The following KCNK10 variants were observed in gnomAD, a reference collection of about 807,000 sequenced individuals.
KCNK10 encodes potassium two pore domain channel subfamily K member 10.
Under a neutral mutation model 47.7 loss-of-function variants are expected in KCNK10, and 25 were observed. The ratio of observed to expected loss-of-function variants is 0.52; its 90% CI spans 0.38 to 0.73. KCNK10 has a LOEUF of 0.73. KCNK10 is among the 30% of genes least tolerant of loss of function. KCNK10 has a pLI of 0.00. For missense variants in KCNK10, 563 were observed against 714.5 expected (o/e 0.79, Z 2.42); for synonymous variants, 303 against 285.6 (o/e 1.06, Z -0.61).
At chr14:88,209,273 G>A (rs1040244432) in intron 4 of KCNK10, among the ~76,000 whole-genome samples, 3 of 152,134 alleles carry the variant, frequency 2.0e-5, no homozygotes, top group African/African-American at 4.8e-5. Flanking sequence ...GTAAGAGCAC[G>A]GGCAAGCTGA....
At chr14:88,310,336 CT>C (rs1385520328) in intron 1 of KCNK10, among the ~76,000 whole-genome samples, 2 of 151,354 alleles carry the variant, frequency 1.3e-5, no homozygotes, top group African/African-American at 4.9e-5. Context: ...CGCCTCAGGT[CT>C]TTTTCATCTT....
At chr14:88,197,895 A>AGAGAGAGAG (rs1884974261) in intron 4 of KCNK10, among the ~76,000 whole-genome samples, 21 of 133,948 alleles carry the variant, frequency 1.6e-4, no homozygotes, top group African/African-American at 4.9e-4. Flanking sequence ...AGAGAGAGAG[A>AGAGAGAGAG]AGGGGAAAAA....
At chr14:88,286,626 C>G (rs1433140286) in intron 1 of KCNK10, among the ~76,000 whole-genome samples, 1 of 152,200 alleles carries the variant, frequency 6.6e-6, no homozygotes, top group African/African-American at 2.4e-5. Flanking sequence ...AATGGACTCA[C>G]AGTTCCATGT....
intron 4 of KCNK10, among the ~76,000 whole-genome samples, chr14:88,196,562 G>C (rs1321289519): frequency 6.6e-6 from 1 of 151,972 alleles, no homozygotes; most frequent in Non-Finnish European, 1.5e-5. Context: ...TAATTTCTTA[G>C]AATTCTGAGA....
chr14:88,322,626 A>G lies in KCNK10; in HGVS notation c.52+121T>C. On this transcript the variant is annotated intron_variant, in intron 1 of 6. Transcript: ENST00000319231. The surrounding 1 kb of genome is among the most constrained non-coding windows in gnomAD (Gnocchi z 4.8). ...TCCTCCCACCCGCGCTGCAGTTCCC[A>G]GGCGCATTTCCCAGCCTCAGGACAC... is the stretch of plus-strand genomic sequence containing the variant. 7.3e-7 allele frequency: 1 copy of G among 1,370,814 alleles called. No individual in the cohort carries two copies. Among genetic ancestry groups the G allele is most frequent in the Non-Finnish European group, 1.0e-6 (1 of 971,528 alleles). 84.9% of individuals were successfully genotyped at this position (1,370,814 alleles called of 1,614,324 possible). A position where few individuals can be genotyped will look rare whatever the true frequency, so the allele number is the denominator to read the frequency against.
intron 1 of KCNK10, among the ~76,000 whole-genome samples, chr14:88,306,644 G>C (rs1888208314): frequency 6.9e-6 from 1 of 144,156 alleles, no homozygotes; most frequent in Non-Finnish European, 1.5e-5. Context: ...CTGAGGAAGG[G>C]ATACACCATC....
intron 2 of KCNK10, among the ~76,000 whole-genome samples, chr14:88,242,362 T>C (rs955328377): frequency 2.0e-5 from 3 of 152,220 alleles, no homozygotes; most frequent in Non-Finnish European, 4.4e-5. Flanking sequence ...CTCTGTTGTA[T>C]ATTTTTCTTT....
intron 4 of KCNK10, among the ~76,000 whole-genome samples, chr14:88,212,886 T>C (rs8021878): frequency 0.11 from 17,390 of 152,220 alleles, 2,295 homozygotes; most frequent in African/African-American, 0.32. Context: ...GAGTGCAGTT[T>C]GTTGGCAGCC....
At chr14:88,211,870 T>C (rs1885467253) in intron 4 of KCNK10, among the ~76,000 whole-genome samples, 1 of 139,944 alleles carries the variant, frequency 7.1e-6, no homozygotes, top group Non-Finnish European at 1.5e-5. Context: ...CAGTCAAGCC[T>C]GGCAACAGAG....
At chr14:88,205,078 A>G (rs115640683) in intron 4 of KCNK10, among the ~76,000 whole-genome samples, 1 of 152,130 alleles carries the variant, frequency 6.6e-6, no homozygotes, top group Non-Finnish European at 1.5e-5. Context: ...GCAATCATGG[A>G]TCTTTGTAAC....
At chr14:88,249,320 C>T (rs1320337154) in intron 2 of KCNK10, among the ~76,000 whole-genome samples, 2 of 152,190 alleles carry the variant, frequency 1.3e-5, no homozygotes, top group Non-Finnish European at 2.9e-5. Context: ...GAATGATAAC[C>T]CATGGACATT....
chr14:88,193,751 G>A (rs1037316333), intron 4 of KCNK10, among the ~76,000 whole-genome samples: 2 of 152,176 alleles, frequency 1.3e-5, no homozygotes, highest in South Asian at 4.1e-4. Flanking sequence ...TGCCACTAAT[G>A]AGCCGAGATT....
In KCNK10 at chr14:88,185,694, T is replaced by A. The variant is rs757942892; in HGVS notation, c.1473A>T (p.Lys491Asn). ...TACACATCTTTTCCGTCTCCTCCTC[T>A]TTCTTCTCCTCGTCCAGGGAGTAAT... ...FRNYSLDEEK[K>N]EEETEKMCNS... is the part of the protein sequence containing the mutation. The change falls in exon 7 of 7, where the codon AAA (lysine) becomes AAT (asparagine). Residue 491 changes from lysine to asparagine, a missense_variant. Lys to Asn is a moderately conservative substitution (Grantham distance 94, BLOSUM62 0). Coordinates refer to ENST00000319231, the MANE Select transcript of KCNK10 (RefSeq NM_138317.3). The surrounding 1 kb of genome is among the most constrained non-coding windows in gnomAD (Gnocchi z 4.3). 2 of 1,614,226 alleles carry A rather than the reference T, an allele frequency of 1.2e-6. No individual in the cohort carries two copies. The highest frequency in any genetic ancestry group is 3.3e-5 in the Admixed American group (2 of 60,032).
At position 88,185,708 on chromosome 14, in the gene KCNK10, C is replaced by T. The variant is rs1174868758; in HGVS notation, c.1459G>A (p.Asp487Asn). 6.2e-7 allele frequency: 1 copy of T among 1,614,044 alleles called. No individual in the cohort carries two copies. Among genetic ancestry groups the T allele is most frequent in the Non-Finnish European group, 8.5e-7 (1 of 1,180,044 alleles). ...GTCTCCTCCTCTTTCTTCTCCTCGTCCAGGGAGTAATTCCGGAAGGTCTTG... is the reference window on the plus strand; with the variant it reads ...GTCTCCTCCTCTTTCTTCTCCTCGTTCAGGGAGTAATTCCGGAAGGTCTTG... ...IYKTFRNYSLDEEKKEEETEK... is the reference protein window; with the variant it reads ...IYKTFRNYSLNEEKKEEETEK... The change falls in exon 7 of 7, where the codon GAC becomes AAC. Residue 487 changes from aspartate (D) to asparagine (N), a missense_variant. Physicochemically the swap from Asp to Asn is conservative, Grantham distance 23 (BLOSUM62 1). Transcript: ENST00000319231. The surrounding 1 kb of genome is among the most constrained non-coding windows in gnomAD (Gnocchi z 4.3).
intron 1 of KCNK10, among the ~76,000 whole-genome samples, chr14:88,275,568 G>A (rs1030514358): frequency 6.6e-6 from 1 of 151,986 alleles, no homozygotes; most frequent in Non-Finnish European, 1.5e-5. Flanking sequence ...TCCTAGGATG[G>A]CCAGGCGCAG....
At chr14:88,292,757 C>T (rs998366196) in intron 1 of KCNK10, among the ~76,000 whole-genome samples, 5 of 152,082 alleles carry the variant, frequency 3.3e-5, no homozygotes, top group African/African-American at 9.7e-5. Flanking sequence ...CTCAGCCTCC[C>T]GAGTAGCTGG....
intron 4 of KCNK10, among the ~76,000 whole-genome samples, chr14:88,199,215 C>T (rs1427951228): frequency 6.6e-6 from 1 of 152,052 alleles, no homozygotes; most frequent in Non-Finnish European, 1.5e-5. Flanking sequence ...CCACCGTGCC[C>T]GGCCCATGAT....
At position 88,322,949 on chromosome 14, in the gene KCNK10, A is replaced by T; in HGVS notation, c.-151T>A. The T allele has an allele frequency of 6.7e-7, 1 of 1,481,924 alleles. No individual in the cohort carries two copies. The highest frequency in any genetic ancestry group is 1.4e-5 in the South Asian group (1 of 73,550). 91.8% of individuals were successfully genotyped at this position (1,481,924 alleles called of 1,614,324 possible). On this transcript the variant is annotated 5_prime_UTR_variant, in exon 1 of 7. Coordinates refer to ENST00000319231, the MANE Select transcript of KCNK10 (RefSeq NM_138317.3). This position sits in a 1 kb window ranked among gnomAD's most constrained non-coding sequence, Gnocchi z 4.8. ...GCTCGTGGAGGAACCCCAGAAAAAG[A>T]CAGGTGGGAAAATATTAGCTTGGGG...
At chr14:88,240,931 G>A in intron 2 of KCNK10, 111 bp from the exon 3 acceptor site, 1 of 633,562 alleles carries the variant, frequency 1.6e-6, no homozygotes, top group Non-Finnish European at 2.7e-6. Context: ...AGAACCTGCA[G>A]TGATCTAGAG....
Sources: allele counts gnomAD v4.1 joint callset (sites outside exome capture counted in the v4.1 genomes callset), GRCh38; gene constraint gnomAD v4.1.1; non-coding constraint Gnocchi (gnomAD v3.1); transcripts MANE v1.5; gene names NCBI Gene and HGNC (gene_info 2026-07-23, HGNC 2026-07-21).